Variants in MSANTD7 observed in about 807,000 individuals in gnomAD.
MSANTD7 encodes Myb/SANT DNA binding domain containing 7, also known as zinc finger and SCAN domain containing 29.
At chr10:14,842,126 C>A in the MSANTD7 span, 9 of 1,529,596 alleles carry the variant, frequency 5.9e-6, no homozygotes, top group Non-Finnish European at 7.9e-6. This position sits in a 1 kb window ranked among gnomAD's most constrained non-coding sequence, Gnocchi z 5.2. Context: ...TCCCCTGTGG[C>A]CTTCCAGCCA....
chr10:14,843,897 A>T, the MSANTD7 span: 1 of 1,536,236 alleles, frequency 6.5e-7, no homozygotes, highest in Non-Finnish European at 8.7e-7. Context: ...AAAGCTAGGA[A>T]CCAATTACAA....
chr10:14,840,060 TA>T, the MSANTD7 span: 129 of 1,199,582 alleles, frequency 1.1e-4, no homozygotes, highest in Middle Eastern at 2.8e-4. Flanking sequence ...ATATATATAT[TA>T]TTTTTTTTTT....
the MSANTD7 span, chr10:14,844,016 C>T: frequency 4.8e-6 from 7 of 1,452,086 alleles, no homozygotes; most frequent in Non-Finnish European, 5.4e-6. Context: ...CCATTTATAT[C>T]CAGATAGTAT....
At chr10:14,846,863 T>C in the MSANTD7 span, 1 of 985,440 alleles carries the variant, frequency 1.0e-6, no homozygotes, top group Non-Finnish European at 1.2e-6. Flanking sequence ...ATAAAGGTTG[T>C]GATACACAAC....
chr10:14,845,195 ACT>A, the MSANTD7 span: 3 of 985,192 alleles, frequency 3.0e-6, no homozygotes, highest in Non-Finnish European at 1.2e-6. Context: ...GGAAGACATT[ACT>A]CTCTGTCATT....
chr10:14,846,151 G>A, the MSANTD7 span: 4 of 984,302 alleles, frequency 4.1e-6, no homozygotes, highest in Admixed American at 2.5e-4. Context: ...TATATTTAAG[G>A]CATTGAAATG....
chr10:14,842,118 C>T, the MSANTD7 span: 16 of 1,518,722 alleles, frequency 1.1e-5, no homozygotes, highest in African/African-American at 4.1e-5. The surrounding 1 kb of genome is among the most constrained non-coding windows in gnomAD (Gnocchi z 5.2). Flanking sequence ...ACTCTCATTC[C>T]CCTGTGGCCT....
the MSANTD7 span, chr10:14,846,446 G>A: frequency 1.1e-5 from 11 of 985,148 alleles, no homozygotes; most frequent in Non-Finnish European, 1.3e-5. Flanking sequence ...AAAGTCAAGG[G>A]AAAGGTCTTG....
chr10:14,846,003 C>G, the MSANTD7 span: 1,750 of 933,516 alleles, frequency 1.9e-3, 29 homozygotes, highest in African/African-American at 0.029. Flanking sequence ...GTAATATTTT[C>G]TGTCACAGCA....
the MSANTD7 span, chr10:14,844,048 T>C: frequency 1.4e-6 from 2 of 1,438,060 alleles, no homozygotes; most frequent in Non-Finnish European, 1.8e-6. Flanking sequence ...CTAGTTCATT[T>C]TCCCAAGATT....
At chr10:14,842,879 C>A in the MSANTD7 span, 1 of 1,422,356 alleles carries the variant, frequency 7.0e-7, no homozygotes, top group South Asian at 1.3e-5. This position sits in a 1 kb window ranked among gnomAD's most constrained non-coding sequence, Gnocchi z 5.2. Flanking sequence ...AGTTGGGTCC[C>A]AGAGTCTTGT....
chr10:14,846,016 A>T, the MSANTD7 span: 1 of 933,786 alleles, frequency 1.1e-6, no homozygotes, highest in African/African-American at 1.8e-5. Context: ...TCACAGCAGC[A>T]TATGTATATT....
chr10:14,845,137 T>C, the MSANTD7 span: 22 of 985,390 alleles, frequency 2.2e-5, no homozygotes, highest in African/African-American at 3.7e-4. Flanking sequence ...AGACACACAC[T>C]GGGGAGAGAT....
chr10:14,838,566 G>A, the MSANTD7 span: 1 of 1,103,664 alleles, frequency 9.1e-7, no homozygotes, highest in Non-Finnish European at 1.3e-6. Flanking sequence ...TAGGGATGTC[G>A]TGGAGTGGCG....
the MSANTD7 span, chr10:14,844,527 C>A: frequency 8.1e-6 from 8 of 987,176 alleles, no homozygotes; most frequent in Non-Finnish European, 9.6e-6. Context: ...TAATCTCTTA[C>A]ATTTCCACTG....
chr10:14,843,479 C>G, the MSANTD7 span: 1 of 1,550,572 alleles, frequency 6.4e-7, no homozygotes, highest in Non-Finnish European at 8.7e-7. Flanking sequence ...TCCGGGGAGC[C>G]CAGCCCCTGC....
chr10:14,845,048 T>C, the MSANTD7 span: 1 of 985,408 alleles, frequency 1.0e-6, no homozygotes, highest in South Asian at 4.7e-5. Flanking sequence ...CACTAGAGGA[T>C]GGTGTGGATA....
At chr10:14,842,596 A>G in the MSANTD7 span, 1 of 1,536,190 alleles carries the variant, frequency 6.5e-7, no homozygotes, top group East Asian at 2.4e-5. This position sits in a 1 kb window ranked among gnomAD's most constrained non-coding sequence, Gnocchi z 5.2. Flanking sequence ...GAAATCAGAT[A>G]GTGACTGACC....
At chr10:14,845,098 C>T in the MSANTD7 span, 3 of 985,366 alleles carry the variant, frequency 3.0e-6, no homozygotes, top group Non-Finnish European at 2.4e-6. Flanking sequence ...AAGCACTAGC[C>T]GTGAACAGAT....
Sources: gnomAD v4.1 joint callset for allele counts on GRCh38, gnomAD v4.1.1 for gene constraint, Gnocchi (gnomAD v3.1) non-coding constraint, MANE v1.5 for transcripts, NCBI Gene and HGNC (gene_info 2026-07-23, HGNC 2026-07-21) for gene names.